The following ILDR1 variants were observed in gnomAD, a reference collection of about 807,000 sequenced individuals.
ILDR1 encodes the protein immunoglobulin like domain containing receptor 1.
A neutral mutation model predicts 62.4 loss-of-function variants in ILDR1; 56 were observed. That is an observed-to-expected ratio of 0.90 (90% CI 0.72 to 1.12). The LOEUF is 1.12. ILDR1 is among the 50% of genes most tolerant of loss of function. The pLI is 0.00. For missense variants in ILDR1, 736 were observed against 710.6 expected (o/e 1.04, Z -0.41); for synonymous variants, 284 against 277.8 (o/e 1.02, Z -0.22).
At chr3:121,992,282 A>AC (rs1221850416) in intron 7 of ILDR1, among the ~76,000 whole-genome samples, 1 of 152,054 alleles carries the variant, frequency 6.6e-6, no homozygotes, top group Non-Finnish European at 1.5e-5. Flanking sequence ...GATTACAGGC[A>AC]CCCGCCACCA....
At chr3:122,052,665 C>G in the ILDR1 span, among the ~76,000 whole-genome samples, 21,113 of 152,194 alleles carry the variant, frequency 0.14, 1,579 homozygotes, top group East Asian at 0.22. Context: ...CCTCCGCCTC[C>G]CGGGTTCAAG....
chr3:122,022,282 C>T (rs2071871512), upstream of ILDR1: 1 of 460,758 alleles, frequency 2.2e-6, no homozygotes, highest in Non-Finnish European at 3.8e-6. Flanking sequence ...CCCACGGCTC[C>T]GCCTCCCGCC....
At chr3:121,990,870 C>T (rs1236924347) in intron 7 of ILDR1, among the ~76,000 whole-genome samples, 1 of 152,226 alleles carries the variant, frequency 6.6e-6, no homozygotes, top group Non-Finnish European at 1.5e-5. Flanking sequence ...TGCTACTCAA[C>T]CTCTCAGAGG....
upstream of ILDR1, among the ~76,000 whole-genome samples, chr3:122,024,035 C>A (rs149686791): frequency 7.4e-4 from 113 of 152,008 alleles, 1 homozygote; most frequent in East Asian, 0.021. Context: ...ACCCCTCAGC[C>A]CCCGCTTTGG....
At chr3:122,039,021 A>G in the ILDR1 span, among the ~76,000 whole-genome samples, 6 of 152,268 alleles carry the variant, frequency 3.9e-5, no homozygotes, top group East Asian at 1.2e-3. Flanking sequence ...AGAACTTGAA[A>G]ATAGGTCAAC....
intron 4 of ILDR1, 112 bp from the exon 5 acceptor site, chr3:122,001,566 A>C (rs991345897): frequency 1.9e-5 from 29 of 1,489,910 alleles, no homozygotes; most frequent in Admixed American, 3.4e-5. Context: ...TACAGGTTAA[A>C]GTTGAGCAAT....
chr3:122,010,919 T>C (rs2071693723), intron 1 of ILDR1, among the ~76,000 whole-genome samples: 1 of 152,338 alleles, frequency 6.6e-6, no homozygotes, highest in South Asian at 2.1e-4. Context: ...GTACAACAAA[T>C]CTGAGGCTTG....
chr3:122,035,160 C>T, the ILDR1 span, among the ~76,000 whole-genome samples: 1 of 152,216 alleles, frequency 6.6e-6, no homozygotes, highest in Non-Finnish European at 1.5e-5. Context: ...CCCTATGGAA[C>T]AGAACGCTTA....
upstream of ILDR1, among the ~76,000 whole-genome samples, chr3:122,025,668 T>G (rs1223435816): frequency 2.0e-5 from 3 of 152,190 alleles, no homozygotes; most frequent in Non-Finnish European, 4.4e-5. Flanking sequence ...TGTGCATCTG[T>G]GTTAGAATAA....
the ILDR1 span, among the ~76,000 whole-genome samples, chr3:122,027,294 A>G: frequency 6.6e-6 from 1 of 151,824 alleles, no homozygotes; most frequent in South Asian, 2.1e-4. Flanking sequence ...AGTTCAAGAG[A>G]CTCTCCTGCC....
At chr3:122,054,892 G>C in the ILDR1 span, among the ~76,000 whole-genome samples, 1 of 152,014 alleles carries the variant, frequency 6.6e-6, no homozygotes, top group Non-Finnish European at 1.5e-5. Context: ...AGTAGCTTCT[G>C]TCTGCCCTCC....
chr3:121,995,130 G>A (rs1004146763), intron 5 of ILDR1, among the ~76,000 whole-genome samples: 6 of 152,224 alleles, frequency 3.9e-5, no homozygotes, highest in African/African-American at 1.4e-4. Context: ...ACAACCCGCA[G>A]TGAGTACAAA....
the ILDR1 span, among the ~76,000 whole-genome samples, chr3:122,029,816 T>C: frequency 5.3e-5 from 8 of 152,214 alleles, no homozygotes; most frequent in Non-Finnish European, 1.2e-4. Context: ...CCAAGTATGT[T>C]TGTGCCTTGA....
chr3:122,043,309 G>A, the ILDR1 span, among the ~76,000 whole-genome samples: 1 of 151,382 alleles, frequency 6.6e-6, no homozygotes, highest in Non-Finnish European at 1.5e-5. Context: ...TGCTGTTTTG[G>A]TTACTGTAGC....
At chr3:121,997,827 A>G (rs1480820002) in intron 5 of ILDR1, among the ~76,000 whole-genome samples, 2 of 152,206 alleles carry the variant, frequency 1.3e-5, no homozygotes, top group Non-Finnish European at 2.9e-5. Flanking sequence ...TTCCATTTCA[A>G]AAATGTCTAT....
intron 1 of ILDR1, among the ~76,000 whole-genome samples, chr3:122,012,833 A>G (rs180861271): frequency 6.6e-5 from 10 of 152,358 alleles, no homozygotes; most frequent in Admixed American, 5.9e-4. Flanking sequence ...AATGTAAACT[A>G]TCATGATTGT....
At chr3:122,026,389 T>C (rs2071921479), upstream of ILDR1, among the ~76,000 whole-genome samples, 1 of 152,172 alleles carries the variant, frequency 6.6e-6, no homozygotes. Context: ...GACAGTTATG[T>C]AGAATGTGGA....
At chr3:122,049,622 A>C in the ILDR1 span, among the ~76,000 whole-genome samples, 1 of 152,300 alleles carries the variant, frequency 6.6e-6, no homozygotes, top group South Asian at 2.1e-4. Context: ...TTATCATTAT[A>C]TGATGTCTTT....
At chr3:121,998,350 T>G (rs1000369252) in intron 5 of ILDR1, among the ~76,000 whole-genome samples, 2 of 152,214 alleles carry the variant, frequency 1.3e-5, no homozygotes, top group African/African-American at 4.8e-5. Context: ...CAATAACTCC[T>G]TACTCCTCTA....
Sources: allele counts gnomAD v4.1 joint callset (sites outside exome capture counted in the v4.1 genomes callset), GRCh38; gene constraint gnomAD v4.1.1; transcripts MANE v1.5; gene names NCBI Gene and HGNC (gene_info 2026-07-23, HGNC 2026-07-21).